DACH1: variants seen among roughly 807,000 people sequenced by gnomAD.
The protein encoded by DACH1 is dachshund homolog 1.
Under a neutral mutation model 54.2 loss-of-function variants are expected in DACH1, and 12 were observed. The ratio of observed to expected loss-of-function variants is 0.22; its 90% CI spans 0.14 to 0.36. DACH1 has a LOEUF of 0.36. Ranked by LOEUF, DACH1 falls within the 10% of genes least tolerant of loss-of-function variation. The probability of loss-of-function intolerance (pLI) is 1.00; values close to 1 mark genes in which losing one functional copy is unlikely to be tolerated. For synonymous variants in DACH1, 386 were observed against 366.2 expected, an observed-to-expected ratio of 1.05 and a Z score of -0.62; for missense variants, 805 against 929.8, an observed-to-expected ratio of 0.87 and a Z score of 1.75.
At chr13:71,821,429 A>ATTTAAATTTGAATTTAAATTCTAAGAT (rs1888181065) in intron 1 of DACH1, among the ~76,000 whole-genome samples, 1 of 131,122 alleles carries the variant, frequency 7.6e-6, no homozygotes, top group African/African-American at 2.8e-5. Context: ...AAGATTTTAA[A>ATTTAAATTTGAATTTAAATTCTAAGAT]TTTAAATTTA....
intron 1 of DACH1, among the ~76,000 whole-genome samples, chr13:71,766,186 T>C (rs1417696871): frequency 6.6e-6 from 1 of 152,096 alleles, no homozygotes; most frequent in East Asian, 1.9e-4. Flanking sequence ...ACGCCTGGCC[T>C]CAAAAAGATT....
In DACH1 at chr13:71,573,674, T is replaced by C. The variant is rs547330924; in HGVS notation, c.1127-662A>G. Reference sequence around the variant, plus strand: ...TTTAAAAAATGTATCACATTTGGAGTTGGAAAACTGATTTCTAGGGAAATA... The same window carrying C: ...TTTAAAAAATGTATCACATTTGGAGCTGGAAAACTGATTTCTAGGGAAATA... On this transcript the variant is annotated intron_variant, in intron 3 of 10. Coordinates refer to ENST00000613252, the MANE Select transcript of DACH1 (RefSeq NM_080759.6). The C allele has an allele frequency of 3.7e-4, 165 of 450,930 alleles. 1 individual carries two copies. Among genetic ancestry groups the C allele is most frequent in the Non-Finnish European group, 6.0e-5 (15 of 249,200 alleles). 27.9% of individuals were successfully genotyped at this position (450,930 alleles called of 1,614,324 possible). A position where few individuals can be genotyped will look rare whatever the true frequency, so the allele number is the denominator to read the frequency against.
At chr13:71,703,677 C>A (rs572599143) in intron 1 of DACH1, among the ~76,000 whole-genome samples, 11 of 150,910 alleles carry the variant, frequency 7.3e-5, no homozygotes, top group Non-Finnish European at 1.5e-4. Flanking sequence ...AAACTCAAAG[C>A]TTTCAACACC....
rs1287682930 is a variant in DACH1 at position 71,557,076 on chromosome 13, A to G, written c.1518T>C (p.Asp506=). ...PNVLPGPKEG[D]LAGHDMGHES... is the part of the protein sequence containing the mutation. ...CATGTCCCATGTCATGACCGGCCAA[A>G]TCTCCCTCTTTGGGCCCAGGAAGTA... is the stretch of plus-strand genomic sequence containing the variant. Residue 506 remains aspartate (D), a synonymous_variant, in exon 6 of 11, where the codon GAT becomes GAC. Coordinates refer to ENST00000613252, the MANE Select transcript of DACH1 (RefSeq NM_080759.6). The G allele has an allele frequency of 1.9e-6, 3 of 1,611,582 alleles. No homozygotes were observed. Among genetic ancestry groups the G allele is most frequent in the Non-Finnish European group, 1.7e-6 (2 of 1,178,850 alleles).
chr13:71,517,731 A>C (rs2026290), intron 6 of DACH1, among the ~76,000 whole-genome samples: 138,475 of 151,880 alleles, frequency 0.91, 64,352 homozygotes, highest in Non-Finnish European at 1. Flanking sequence ...CACAACCAGA[A>C]GTCCTGAAGC....
chr13:71,613,017 T>C lies in DACH1; in HGVS notation c.1126+17539A>G, dbSNP rs117715648. On this transcript the variant is annotated intron_variant, in intron 3 of 10. Coordinates refer to ENST00000613252, the MANE Select transcript of DACH1 (RefSeq NM_080759.6). ...ATGGTCTCAGGAAGGACGATGGTTA[T>C]GAAGCAAACAGGCTTGCAAATAAAG... Among the ~76,000 whole-genome samples the C allele has an allele frequency of 1.3e-3, 192 of 152,320 alleles. 2 individuals are homozygous for C. The East Asian group carries it at 0.03, about 24-fold the overall frequency.
intron 6 of DACH1, among the ~76,000 whole-genome samples, chr13:71,540,449 A>G (rs1883059988): frequency 6.6e-6 from 1 of 152,170 alleles, no homozygotes. Context: ...AGAAAATGAC[A>G]GGATGCCTCT....
In DACH1 at chr13:71,660,101, A is replaced by G. The variant is rs1053286348; in HGVS notation, c.964+21694T>C. Among the ~76,000 whole-genome samples the G allele has an allele frequency of 3.3e-4, 51 of 152,296 alleles. 1 individual carries two copies. Among genetic ancestry groups the G allele is most frequent in the South Asian group, 6.2e-4 (3 of 4,824 alleles). On this transcript the variant is annotated intron_variant, in intron 2 of 10. Transcript: ENST00000613252. ...GCAAACAGCATTGTACAAAACTAAC[A>G]TAGCCTGCTGTAGGGAATTAAAAAT... is the stretch of plus-strand genomic sequence containing the variant.
At chr13:71,551,891 T>C (rs1015693128) in intron 6 of DACH1, among the ~76,000 whole-genome samples, 2 of 152,010 alleles carry the variant, frequency 1.3e-5, no homozygotes, top group Non-Finnish European at 2.9e-5. Context: ...GAAAAGTTTT[T>C]ATACAAAGAT....
chr13:71,818,892 A>G (rs1049832976), intron 1 of DACH1, among the ~76,000 whole-genome samples: 3 of 152,178 alleles, frequency 2.0e-5, no homozygotes, highest in African/African-American at 7.2e-5. Context: ...TAGTTTCCTA[A>G]ATACATCTTT....
chr13:71,859,001 G>A (rs1874183292), intron 1 of DACH1, among the ~76,000 whole-genome samples: 1 of 151,502 alleles, frequency 6.6e-6, no homozygotes, highest in Non-Finnish European at 1.5e-5. Context: ...TATTCAGTGT[G>A]TTGCTGTGCT....
At chr13:71,702,282 A>G (rs1882178720) in intron 1 of DACH1, among the ~76,000 whole-genome samples, 1 of 152,154 alleles carries the variant, frequency 6.6e-6, no homozygotes, top group African/African-American at 2.4e-5. Flanking sequence ...CATACAGCAT[A>G]TTTAAATCTA....
At chr13:71,834,985 G>A (rs1293263583) in intron 1 of DACH1, among the ~76,000 whole-genome samples, 1 of 151,938 alleles carries the variant, frequency 6.6e-6, no homozygotes, top group East Asian at 1.9e-4. Context: ...ATTTAGTGTT[G>A]AGGCTCAGCC....
At chr13:71,768,073 GAATGTTAAGTATATTCTCATTAA>G (rs1293877640) in intron 1 of DACH1, among the ~76,000 whole-genome samples, 1 of 151,850 alleles carries the variant, frequency 6.6e-6, no homozygotes, top group African/African-American at 2.4e-5. Flanking sequence ...TAGAATTTCA[GAATGTTAAGTATATTCTCATTAA>G]AATCATTTAA....
intron 3 of DACH1, among the ~76,000 whole-genome samples, chr13:71,607,571 G>A (rs913584667): frequency 1.3e-5 from 2 of 151,988 alleles, no homozygotes; most frequent in Admixed American, 6.6e-5. Flanking sequence ...TTGTCTCTTA[G>A]GAGCTTGTTT....
intron 1 of DACH1, among the ~76,000 whole-genome samples, chr13:71,738,070 T>G (rs1403003248): frequency 6.6e-6 from 1 of 152,220 alleles, no homozygotes; most frequent in Non-Finnish European, 1.5e-5. Flanking sequence ...GGAAGTCATC[T>G]GCACGGAAGT....
At chr13:71,838,583 T>C (rs1386320738) in intron 1 of DACH1, among the ~76,000 whole-genome samples, 2 of 152,182 alleles carry the variant, frequency 1.3e-5, no homozygotes, top group Admixed American at 6.5e-5. Flanking sequence ...CCCAAAACAA[T>C]GTGCATGATT....
chr13:71,577,565 GT>G (rs1359209562), intron 3 of DACH1, among the ~76,000 whole-genome samples: 1 of 152,088 alleles, frequency 6.6e-6, no homozygotes, highest in Non-Finnish European at 1.5e-5. Flanking sequence ...AAGCACAATT[GT>G]TTTTTACTTT....
chr13:71,618,242 T>G (rs1276973537), intron 3 of DACH1, among the ~76,000 whole-genome samples: 1 of 152,110 alleles, frequency 6.6e-6, no homozygotes, highest in African/African-American at 2.4e-5. Context: ...TTTGAGAATT[T>G]ATGTCTTTAA....
Sources: gnomAD v4.1 joint callset for allele counts (sites outside exome capture counted in the v4.1 genomes callset) on GRCh38, gnomAD v4.1.1 for gene constraint, MANE v1.5 for transcripts, NCBI Gene and HGNC (gene_info 2026-07-23, HGNC 2026-07-21) for gene names.